Variants in DCC observed in about 807,000 individuals in gnomAD.
The protein encoded by DCC is DCC netrin 1 receptor, also known as netrin receptor DCC.
Under a neutral mutation model 172.5 loss-of-function variants are expected in DCC, and 58 were observed. That is an observed-to-expected ratio of 0.34 (90% confidence interval 0.27 to 0.42). The LOEUF (loss-of-function observed/expected upper bound fraction) is 0.42. Among genes scored for constraint, DCC ranks in the 10% least tolerant of loss-of-function variants. The pLI is 1.00. For missense variants in DCC, 1,740 were observed against 1,791.0 expected, an observed-to-expected ratio of 0.97 and a Z score of 0.51; for synonymous variants, 709 against 644.5, an observed-to-expected ratio of 1.10 and a Z score of -1.52.
intron 5 of DCC, among the ~76,000 whole-genome samples, chr18:52,944,963 A>C (rs1331331292): frequency 1.3e-5 from 2 of 152,188 alleles, no homozygotes; most frequent in Non-Finnish European, 2.9e-5. Flanking sequence ...GCTTCTCATC[A>C]TCTTTCTTGG....
intron 8 of DCC, among the ~76,000 whole-genome samples, chr18:53,159,175 A>T (rs1276206768): frequency 6.6e-6 from 1 of 152,010 alleles, no homozygotes. Context: ...GGAAGCAATG[A>T]TTCTTGCCCA....
At chr18:53,020,519 C>T (rs191698068) in intron 5 of DCC, among the ~76,000 whole-genome samples, 34 of 152,188 alleles carry the variant, frequency 2.2e-4, no homozygotes, top group East Asian at 7.7e-4. Flanking sequence ...ATAATCCAAA[C>T]GAAAAAGGTC....
intron 1 of DCC, among the ~76,000 whole-genome samples, chr18:52,345,582 C>T (rs940682770): frequency 2.0e-5 from 3 of 152,134 alleles, no homozygotes; most frequent in Non-Finnish European, 4.4e-5. Flanking sequence ...GTTTTCAGCT[C>T]GTTTCTAAGG....
intron 27 of DCC, among the ~76,000 whole-genome samples, chr18:53,522,282 A>G (rs796688024): frequency 7.5e-4 from 90 of 120,310 alleles, no homozygotes; most frequent in African/African-American, 2.3e-3. Context: ...AGAAGTTTGG[A>G]AAAAAAAAAA....
At chr18:52,831,828 A>T (rs1453024991) in intron 2 of DCC, among the ~76,000 whole-genome samples, 2 of 152,120 alleles carry the variant, frequency 1.3e-5, no homozygotes, top group Admixed American at 6.5e-5. Flanking sequence ...CCAGGTAGTC[A>T]TCCTAATGTG....
intron 14 of DCC, among the ~76,000 whole-genome samples, chr18:53,323,968 A>C (rs1376858746): frequency 1.3e-5 from 2 of 152,178 alleles, no homozygotes; most frequent in Non-Finnish European, 2.9e-5. Context: ...CAAAGTTAAG[A>C]ATTTTAAACA....
chr18:52,610,616 G>T (rs1327441198), intron 1 of DCC, among the ~76,000 whole-genome samples: 3 of 151,804 alleles, frequency 2.0e-5, no homozygotes, highest in Non-Finnish European at 4.4e-5. Context: ...TCTACACAGG[G>T]AATTGGCAGC....
At chr18:53,375,909 A>T (rs192732425) in intron 15 of DCC, among the ~76,000 whole-genome samples, 1 of 152,028 alleles carries the variant, frequency 6.6e-6, no homozygotes, top group East Asian at 1.9e-4. Flanking sequence ...TCAGAGGAAA[A>T]CTCAGACCTT....
chr18:53,453,017 G>A (rs1353983048), intron 23 of DCC, among the ~76,000 whole-genome samples: 1 of 152,036 alleles, frequency 6.6e-6, no homozygotes, highest in Non-Finnish European at 1.5e-5. Context: ...CCATTTTCAT[G>A]CCATTCTCCT....
intron 1 of DCC, among the ~76,000 whole-genome samples, chr18:52,346,570 CATA>C (rs1983887372): frequency 2.0e-5 from 3 of 152,144 alleles, no homozygotes; most frequent in African/African-American, 7.2e-5. Context: ...TTTAGAAATA[CATA>C]ATAATGCATA....
chr18:52,626,595 C>T (rs1442969847), intron 1 of DCC, among the ~76,000 whole-genome samples: 1 of 152,176 alleles, frequency 6.6e-6, no homozygotes, highest in Admixed American at 6.5e-5. Flanking sequence ...GCCAAAGTCT[C>T]CAAGTCCCTA....
chr18:52,800,846 A>G (rs2037971622), intron 2 of DCC, among the ~76,000 whole-genome samples: 2 of 152,100 alleles, frequency 1.3e-5, no homozygotes, highest in Admixed American at 6.5e-5. Context: ...TAAAACATCT[A>G]TTTATTTTAT....
At chr18:52,980,886 A>G (rs2041198335) in intron 5 of DCC, among the ~76,000 whole-genome samples, 1 of 151,730 alleles carries the variant, frequency 6.6e-6, no homozygotes, top group Non-Finnish European at 1.5e-5. Context: ...GGCTAATCTG[A>G]TTTTTTCATT....
chr18:52,541,891 A>ATATATATATATATATATATATATG lies in DCC; in HGVS notation c.91+201018_91+201019insATATATATATATATATATGTATAT, dbSNP rs1449522752. ...TGTGTGTGTGTATATATATATATAT[A>ATATATATATATATATATATATATG]TATATGTGTATATATATATGTACAC... On this transcript the variant is annotated intron_variant, in intron 1 of 28. Coordinates refer to ENST00000442544, the MANE Select transcript of DCC (RefSeq NM_005215.4). 4.8e-4 allele frequency among the ~76,000 whole-genome samples: 55 copies of ATATATATATATATATATATATATG among 115,786 alleles called. No homozygotes were observed. The South Asian group carries it at 6.9e-3, about 15-fold the overall frequency. 76.0% of individuals were successfully genotyped at this position (115,786 alleles called of 152,430 possible). A position where few individuals can be genotyped will look rare whatever the true frequency, so the allele number is the denominator to read the frequency against.
intron 2 of DCC, among the ~76,000 whole-genome samples, chr18:52,877,512 C>CA (rs1705423004): frequency 6.6e-6 from 1 of 151,928 alleles, no homozygotes; most frequent in Admixed American, 6.6e-5. Flanking sequence ...AGTTCGGGAC[C>CA]ATCCTGGGCA....
chr18:52,633,875 G>T (rs1193853571), intron 1 of DCC, among the ~76,000 whole-genome samples: 1 of 152,254 alleles, frequency 6.6e-6, no homozygotes, highest in African/African-American at 2.4e-5. Flanking sequence ...GAACAGGAGA[G>T]AGATAAGAGA....
rs1224309471 is a variant in DCC at position 52,656,052 on chromosome 18, ATATATGTGTATATATATGTG to A, written c.92-95996_92-95977del. 5.4e-3 allele frequency among the ~76,000 whole-genome samples: 768 copies of A among 142,234 alleles called. 12 individuals are homozygous for A. Among genetic ancestry groups the A allele is most frequent in the African/African-American group, 0.019 (734 of 38,066 alleles). 93.3% of individuals were successfully genotyped at this position (142,234 alleles called of 152,430 possible). A position where few individuals can be genotyped will look rare whatever the true frequency, so the allele number is the denominator to read the frequency against. The stretch of plus-strand genomic sequence containing the variant: ...TGTATATATGTGTGTATATATATGT[ATATATGTGTATATATATGTG>A]TATATATATGTGTGTGTGTGTATAT... On this transcript the variant is annotated intron_variant, in intron 1 of 28. Transcript: ENST00000442544.
intron 1 of DCC, among the ~76,000 whole-genome samples, chr18:52,404,819 C>G (rs1041637441): frequency 2.3e-5 from 3 of 129,444 alleles, no homozygotes; most frequent in East Asian, 2.6e-4. Flanking sequence ...CCCCTCCCCC[C>G]ACCCGACAAC....
intron 5 of DCC, among the ~76,000 whole-genome samples, chr18:52,954,235 GA>G (rs2040704580): frequency 6.6e-6 from 1 of 152,032 alleles, no homozygotes; most frequent in South Asian, 2.1e-4. Context: ...GTTAAGCCTA[GA>G]AAATATTAAC....
Sources: gnomAD v4.1 joint callset for allele counts (sites outside exome capture counted in the v4.1 genomes callset) on GRCh38, gnomAD v4.1.1 for gene constraint, MANE v1.5 for transcripts, NCBI Gene and HGNC (gene_info 2026-07-23, HGNC 2026-07-21) for gene names.